The following RTN3 variants were observed in gnomAD, a reference collection of about 807,000 sequenced individuals.
The protein encoded by RTN3 is reticulon 3.
RTN3 carries 49 observed loss-of-function variants against 77.8 expected under a neutral mutation model. The ratio of observed to expected loss-of-function variants is 0.63; its 90% confidence interval spans 0.50 to 0.80. The LOEUF is 0.80. Among genes scored for constraint, RTN3 ranks in the 30% least tolerant of loss-of-function variants. RTN3 has a pLI of 0.00. For missense variants in RTN3, 1,236 were observed against 1,211.9 expected, an observed-to-expected ratio of 1.02 and a Z score of -0.29; for synonymous variants, 464 against 446.9, an observed-to-expected ratio of 1.04 and a Z score of -0.48.
chr11:63,750,804 T>A (rs2014062174), intron 4 of RTN3, among the ~76,000 whole-genome samples: 1 of 151,874 alleles, frequency 6.6e-6, no homozygotes, highest in African/African-American at 2.4e-5. Flanking sequence ...CAATCTCGGC[T>A]CACTGCAAGC....
rs373687328 is a variant in RTN3 at position 63,706,348 on chromosome 11, C to G, written c.199+1441C>G. Among the ~76,000 whole-genome samples, 393 of 152,242 alleles carry G rather than the reference C, an allele frequency of 2.6e-3. 11 individuals carry two copies. In the South Asian group the frequency reaches 0.078, roughly 30 times the overall value. ...GGGACTACAGGCACATGCCACCATG[C>G]CCTGCTAATTTTTTAATTTTTATTT... On this transcript the variant is annotated intron_variant, in intron 2 of 8. Transcript: ENST00000377819.
chr11:63,730,556 G>A (rs1194981674), intron 3 of RTN3, among the ~76,000 whole-genome samples: 2 of 152,228 alleles, frequency 1.3e-5, no homozygotes, highest in African/African-American at 4.8e-5. Flanking sequence ...AGGCCAAGGT[G>A]AGAAGATCAC....
chr11:63,713,805 C>T (rs963300585), intron 2 of RTN3, among the ~76,000 whole-genome samples: 12 of 152,114 alleles, frequency 7.9e-5, no homozygotes, highest in African/African-American at 2.4e-4. Context: ...TTGAAAGGCT[C>T]TTAGAGTGCA....
chr11:63,715,115 C>T (rs1191170089), intron 2 of RTN3, among the ~76,000 whole-genome samples: 1 of 152,120 alleles, frequency 6.6e-6, no homozygotes, highest in Admixed American at 6.6e-5. Context: ...GCACTGTCAC[C>T]ACTGTATTAT....
chr11:63,749,947 C>T, intron 3 of RTN3, 44 bp from the exon 4 acceptor site: 1 of 1,373,524 alleles, frequency 7.3e-7, no homozygotes, highest in Non-Finnish European at 1.0e-6. Context: ...GACATAGTAG[C>T]TGTGGATGTT....
intron 3 of RTN3, among the ~76,000 whole-genome samples, chr11:63,738,752 A>G (rs1312589905): frequency 6.6e-6 from 1 of 152,082 alleles, no homozygotes; most frequent in African/African-American, 2.4e-5. Flanking sequence ...TTTGAGGTGT[A>G]TACTTGGGAG....
intron 1 of RTN3, among the ~76,000 whole-genome samples, chr11:63,688,091 A>G (rs759604717): frequency 2.0e-5 from 3 of 152,192 alleles, no homozygotes; most frequent in African/African-American, 4.8e-5. Flanking sequence ...TGTTGTTATG[A>G]TACATTAGGA....
intron 1 of RTN3, among the ~76,000 whole-genome samples, chr11:63,702,228 T>C (rs1942270695): frequency 6.6e-6 from 1 of 152,136 alleles, no homozygotes; most frequent in African/African-American, 2.4e-5. Flanking sequence ...TTTATTCTTT[T>C]TTCATCATTT....
At chr11:63,707,176 G>A (rs970784695) in intron 2 of RTN3, among the ~76,000 whole-genome samples, 9 of 152,136 alleles carry the variant, frequency 5.9e-5, no homozygotes, top group Non-Finnish European at 1.3e-4. Flanking sequence ...TGGCATTACA[G>A]GCATGAGTCA....
chr11:63,697,614 T>C (rs1942031373), intron 1 of RTN3, among the ~76,000 whole-genome samples: 1 of 152,048 alleles, frequency 6.6e-6, no homozygotes, highest in African/African-American at 2.4e-5. Flanking sequence ...TAGCTGGGAT[T>C]ATGGGCACCT....
intron 2 of RTN3, among the ~76,000 whole-genome samples, chr11:63,718,318 T>C (rs1214263775): frequency 6.6e-6 from 1 of 152,236 alleles, no homozygotes; most frequent in Non-Finnish European, 1.5e-5. Flanking sequence ...TCAGGTTATT[T>C]GTTTTGTATA....
intron 1 of RTN3, among the ~76,000 whole-genome samples, chr11:63,695,602 T>C (rs1941897150): frequency 6.6e-6 from 1 of 152,222 alleles, no homozygotes; most frequent in Non-Finnish European, 1.5e-5. Flanking sequence ...ATGTTGATAG[T>C]CTGTACTCTT....
At chr11:63,708,792 A>G (rs1426078202) in intron 2 of RTN3, among the ~76,000 whole-genome samples, 1 of 152,192 alleles carries the variant, frequency 6.6e-6, no homozygotes, top group Non-Finnish European at 1.5e-5. Flanking sequence ...TCCTTTTTCC[A>G]TCAAGCAACA....
Position 63,719,989 on chromosome 11 carries a change from GT to G in RTN3, c.1489del (p.Ser497LeufsTer8). On this transcript the variant is annotated frameshift_variant, in exon 3 of 9. Transcript: ENST00000377819. LOFTEE classifies it high-confidence loss of function. ...TTGGGAGAAATCACAGAAGCTGATA[GT>G]TCTGGTGAGTCTGATGACACAGTAA... ...SALGEITEAD[S>X]SGESDDTVIE... 6.2e-7 allele frequency: 1 copy of G among 1,614,174 alleles called. No homozygotes were observed. Among genetic ancestry groups the G allele is most frequent in the South Asian group, 1.1e-5 (1 of 91,084 alleles).
intron 1 of RTN3, among the ~76,000 whole-genome samples, chr11:63,685,066 CTCTTA>C (rs1298027429): frequency 1.3e-5 from 2 of 152,154 alleles, no homozygotes; most frequent in African/African-American, 2.4e-5. Flanking sequence ...AGCCAAGAGA[CTCTTA>C]TCTTAAATGC....
intron 2 of RTN3, among the ~76,000 whole-genome samples, chr11:63,716,781 C>G (rs1024863023): frequency 9.9e-5 from 15 of 151,954 alleles, no homozygotes; most frequent in African/African-American, 3.4e-4. Context: ...CTGGCTAACA[C>G]GGTGAAACCC....
Position 63,726,231 on chromosome 11 carries a change from C to T in RTN3, c.2530+5199C>T, listed in dbSNP as rs138261754. On this transcript the variant is annotated intron_variant, in intron 3 of 8. Coordinates refer to ENST00000377819, the MANE Select transcript of RTN3 (RefSeq NM_001265589.2). ...AGACCCGAAGGCACTGGAGGATGAA[C>T]GGGAGCAGTCAGATTCTGAAAGAGA... Among the ~76,000 whole-genome samples, 196 of 152,238 alleles carry T rather than the reference C, an allele frequency of 1.3e-3. 2 individuals carry two copies. Among genetic ancestry groups the T allele is most frequent in the African/African-American group, 4.3e-3 (180 of 41,540 alleles).
At chr11:63,713,641 A>G (rs564045342) in intron 2 of RTN3, among the ~76,000 whole-genome samples, 94 of 152,300 alleles carry the variant, frequency 6.2e-4, no homozygotes, top group African/African-American at 1.8e-3. Flanking sequence ...TACTAGATCT[A>G]TGACTTTATT....
chr11:63,750,943 A>C (rs1269588424), intron 4 of RTN3, among the ~76,000 whole-genome samples: 1 of 152,036 alleles, frequency 6.6e-6, no homozygotes, highest in Non-Finnish European at 1.5e-5. Context: ...CATGTTCGGC[A>C]GGATGGTCTC....
Sources: gnomAD v4.1 joint callset for allele counts (sites outside exome capture counted in the v4.1 genomes callset) on GRCh38, gnomAD v4.1.1 for gene constraint, MANE v1.5 for transcripts, NCBI Gene and HGNC (gene_info 2026-07-23, HGNC 2026-07-21) for gene names.